Variants in SOS2 observed in about 807,000 individuals in gnomAD.
SOS2 encodes son of sevenless homolog 2.
In SOS2, 65 loss-of-function variants were observed where a neutral mutation model predicts 148.2. The ratio of observed to expected loss-of-function variants is 0.44; its 90% CI spans 0.36 to 0.54. SOS2 has a LOEUF of 0.54. SOS2 is among the 20% of genes least tolerant of loss of function. SOS2 has a pLI of 0.00. For synonymous variants in SOS2, 539 were observed against 537.1 expected, an observed-to-expected ratio of 1.00 and a Z score of -0.05; for missense variants, 1,341 against 1,590.2, an observed-to-expected ratio of 0.84 and a Z score of 2.67.
intron 1 of SOS2, among the ~76,000 whole-genome samples, chr14:50,211,793 C>T (rs1886879478): frequency 1.3e-5 from 2 of 152,142 alleles, no homozygotes; most frequent in South Asian, 4.2e-4. Flanking sequence ...GTGTGGCTCA[C>T]ATTGTATCTC....
intron 4 of SOS2, among the ~76,000 whole-genome samples, chr14:50,189,533 A>G (rs1886051988): frequency 6.6e-6 from 1 of 152,158 alleles, no homozygotes; most frequent in Non-Finnish European, 1.5e-5. Context: ...AGCAAATAGT[A>G]GGTATTCAAC....
chr14:50,126,490 C>T (rs1883684722), intron 21 of SOS2, among the ~76,000 whole-genome samples: 1 of 151,344 alleles, frequency 6.6e-6, no homozygotes, highest in Non-Finnish European at 1.5e-5. Flanking sequence ...AATTATCTGT[C>T]GATTAAAAAT....
chr14:50,159,708 A>G lies in SOS2; in HGVS notation c.1575T>C (p.Ala525=), dbSNP rs1397233683. The change falls in exon 10 of 23, where the codon GCT becomes GCC. Residue 525 remains alanine, a synonymous_variant. Transcript: ENST00000216373. ...TGTTTTTTTCTTCAGCAGACTTAGC[A>G]GCAAATATTATGCTGTTCTCATCTT... ...VSKDENSIIF[A]AKSAEEKNNW... The G allele has an allele frequency of 6.2e-7, 1 of 1,614,152 alleles. No individual in the cohort carries two copies. Among genetic ancestry groups the G allele is most frequent in the South Asian group, 1.1e-5 (1 of 91,080 alleles).
intron 1 of SOS2, among the ~76,000 whole-genome samples, chr14:50,212,047 T>C (rs1886889142): frequency 6.6e-6 from 1 of 152,086 alleles, no homozygotes; most frequent in Non-Finnish European, 1.5e-5. Flanking sequence ...AGAAGCCAGA[T>C]AAAAAGAATA....
At chr14:50,152,282 G>T (rs1042967591) in intron 13 of SOS2, among the ~76,000 whole-genome samples, 3 of 151,984 alleles carry the variant, frequency 2.0e-5, no homozygotes, top group Non-Finnish European at 4.4e-5. Flanking sequence ...TCATGGCCTA[G>T]GGTTTCATTT....
In SOS2 at chr14:50,161,592, A is replaced by T; in HGVS notation, c.1086T>A (p.Ser362Arg). ...FELLKQLKAC[S>R]EEQEDRECLN... is the part of the protein sequence containing the mutation. ...AACATTCTCTGTCTTCTTGTTCTTC[A>T]CTACATGCTTTCAATTGCTAAGAAA... is the stretch of plus-strand genomic sequence containing the variant. Residue 362 changes from serine to arginine, a missense_variant, in exon 9 of 23, where the codon AGT (serine) becomes AGA (arginine). By Grantham distance (110) the Ser-to-Arg change is moderately radical. This residue lies in a region of SOS2 where 574 missense variants were observed against 711.1 expected (regional missense o/e 0.81). Transcript: ENST00000216373. 1 of 1,612,212 alleles carries T rather than the reference A, an allele frequency of 6.2e-7. No individual in the cohort carries two copies. Among genetic ancestry groups the T allele is most frequent in the Non-Finnish European group, 8.5e-7 (1 of 1,179,040 alleles).
At chr14:50,199,512 T>C (rs945847947) in intron 4 of SOS2, among the ~76,000 whole-genome samples, 179 bp downstream of exon 4, 1 of 152,186 alleles carries the variant, frequency 6.6e-6, no homozygotes, top group African/African-American at 2.4e-5. Context: ...GAGATCCCCA[T>C]CCTGCCATAT....
At chr14:50,146,878 A>T (rs886667107) in intron 14 of SOS2, among the ~76,000 whole-genome samples, 1 of 152,056 alleles carries the variant, frequency 6.6e-6, no homozygotes, top group Non-Finnish European at 1.5e-5. Context: ...AGAATGATAC[A>T]TAAGTATATG....
intron 5 of SOS2, among the ~76,000 whole-genome samples, chr14:50,185,225 G>A (rs553858271): frequency 1.3e-5 from 2 of 152,296 alleles, no homozygotes; most frequent in Admixed American, 6.5e-5. Context: ...TGAGACAGTC[G>A]TGTTGGGACT....
chr14:50,202,490 T>C (rs1886524684), intron 2 of SOS2, among the ~76,000 whole-genome samples: 1 of 151,410 alleles, frequency 6.6e-6, no homozygotes, highest in Non-Finnish European at 1.5e-5. Flanking sequence ...TCTCAGCACT[T>C]TGGGAGACTG....
At chr14:50,154,160 A>G (rs540786483) in intron 12 of SOS2, among the ~76,000 whole-genome samples, 1 of 152,322 alleles carries the variant, frequency 6.6e-6, no homozygotes, top group African/African-American at 2.4e-5. Context: ...CAAGCCATGG[A>G]AAGAAAATAT....
intron 1 of SOS2, among the ~76,000 whole-genome samples, chr14:50,224,324 C>CATAT (rs1887296380): frequency 1.2e-5 from 1 of 80,850 alleles, no homozygotes; most frequent in Non-Finnish European, 2.7e-5. Flanking sequence ...TACACACACA[C>CATAT]ACACACACAC....
intron 1 of SOS2, among the ~76,000 whole-genome samples, chr14:50,212,954 GAC>G (rs1253824616): frequency 2.0e-5 from 3 of 152,196 alleles, no homozygotes; most frequent in Non-Finnish European, 4.4e-5. Context: ...ATGCTAACGT[GAC>G]ATTCTTAGAT....
intron 4 of SOS2, among the ~76,000 whole-genome samples, chr14:50,190,174 A>G (rs1292543568): frequency 1.3e-5 from 2 of 152,030 alleles, no homozygotes; most frequent in Non-Finnish European, 2.9e-5. Flanking sequence ...TTTTATAATT[A>G]ATAATACTTT....
At chr14:50,124,650 A>G (rs911799205) in intron 21 of SOS2, among the ~76,000 whole-genome samples, 5 of 152,202 alleles carry the variant, frequency 3.3e-5, no homozygotes, top group Non-Finnish European at 1.5e-5. Context: ...AAAATACATT[A>G]ATTCAAAAGA....
rs544688007 is a variant in SOS2 at position 50,143,605 on chromosome 14, C to A, written c.2667+1565G>T. Among the ~76,000 whole-genome samples, 8 of 152,046 alleles carry A rather than the reference C, an allele frequency of 5.3e-5. No homozygotes were observed. In the South Asian group the frequency reaches 1.2e-3, roughly 24 times the overall value. Reference sequence around the variant, plus strand: ...AACCAGCACATACCACCATGCCTGACTAATTTTTGTACTTTTAGTAGAGAT... The same window carrying A: ...AACCAGCACATACCACCATGCCTGAATAATTTTTGTACTTTTAGTAGAGAT... On this transcript the variant is annotated intron_variant, in intron 16 of 22. Coordinates refer to ENST00000216373, the MANE Select transcript of SOS2 (RefSeq NM_006939.4).
In SOS2 at chr14:50,197,689, C is replaced by CTTTTTTTTTTTTTTT. The variant is rs35121759; in HGVS notation, c.510+1987_510+2001dup. On this transcript the variant is annotated intron_variant, in intron 4 of 22. Transcript: ENST00000216373. ...TCTTGAATAAAGTCAGCTTTACCAC[C>CTTTTTTTTTTTTTTT]TTTTTTTTTTTTTTTTTTTGAAACA... Among the ~76,000 whole-genome samples, 4 of 125,852 alleles carry CTTTTTTTTTTTTTTT rather than the reference C, an allele frequency of 3.2e-5. 1 individual carries two copies. The highest frequency in any genetic ancestry group is 5.0e-5 in the Non-Finnish European group (3 of 59,740). 82.6% of individuals were successfully genotyped at this position (125,852 alleles called of 152,430 possible). A position where few individuals can be genotyped will look rare whatever the true frequency, so the allele number is the denominator to read the frequency against.
chr14:50,149,874 T>C, intron 14 of SOS2, 134 bp downstream of exon 14: 2 of 666,270 alleles, frequency 3.0e-6, no homozygotes, highest in Non-Finnish European at 2.6e-6. Flanking sequence ...AACTGTGCTA[T>C]GACCTTTCCT....
At chr14:50,149,130 C>T (rs1884583832) in intron 14 of SOS2, among the ~76,000 whole-genome samples, 1 of 152,182 alleles carries the variant, frequency 6.6e-6, no homozygotes, top group Non-Finnish European at 1.5e-5. Context: ...CTCCTGGTCT[C>T]AAGCGATCTG....
Sources: gnomAD v4.1 joint callset for allele counts (sites outside exome capture counted in the v4.1 genomes callset) on GRCh38, gnomAD v4.1.1 for gene constraint, gnomAD v4.1.1 regional missense constraint, MANE v1.5 for transcripts, NCBI Gene and HGNC (gene_info 2026-07-23, HGNC 2026-07-21) for gene names.